ZNF831: variants seen among roughly 807,000 people sequenced by gnomAD.
The protein encoded by ZNF831 is chromosome 20 open reading frame 174.
A neutral mutation model predicts 95.8 loss-of-function variants in ZNF831; 59 were observed. The observed-to-expected ratio is 0.62, with a 90% CI of 0.50 to 0.77. The LOEUF is 0.77. Ranked by LOEUF, ZNF831 falls within the 30% of genes least tolerant of loss-of-function variation. The probability of loss-of-function intolerance (pLI) is 0.00; values close to 1 mark genes in which losing one functional copy is unlikely to be tolerated. For missense variants in ZNF831, 2,205 were observed against 2,164.0 expected (o/e 1.02, Z -0.38); for synonymous variants, 961 against 925.5 (o/e 1.04, Z -0.70).
intron 2 of ZNF831, among the ~76,000 whole-genome samples, chr20:59,153,430 G>A (rs1040962714): frequency 6.6e-6 from 1 of 152,240 alleles, no homozygotes; most frequent in Admixed American, 6.5e-5. Context: ...CCTCCCCCTG[G>A]GAGCGGAAGG....
chr20:59,243,378 G>A (rs571424390), intron 4 of ZNF831, among the ~76,000 whole-genome samples: 4 of 152,190 alleles, frequency 2.6e-5, no homozygotes, highest in East Asian at 3.8e-4. Context: ...AGGTCGAATA[G>A]CTAAGTATTA....
At chr20:59,140,492 T>TATTTA (rs113817166) in intron 1 of ZNF831, among the ~76,000 whole-genome samples, 35,691 of 151,994 alleles carry the variant, frequency 0.23, 6,106 homozygotes, top group African/African-American at 0.49. Flanking sequence ...ACCTGACTAC[T>TATTTA]ATTAATATTC....
Position 59,193,282 on chromosome 20 carries a change from C to T in ZNF831, c.2263C>T (p.Leu755=), listed in dbSNP as rs764611255. 6.2e-7 allele frequency: 1 copy of T among 1,610,562 alleles called. No homozygotes were observed. The highest frequency in any genetic ancestry group is 2.2e-5 in the East Asian group (1 of 44,652). Residue 755 remains leucine (L), a synonymous_variant, in exon 2 of 6, where the codon CTG becomes TTG. Coordinates refer to ENST00000371030, the MANE Select transcript of ZNF831 (RefSeq NM_178457.3). ...RSPLVSPNGR[L]ELGWQMPPAP... ...CCCCCTGGTCTCTCCAAATGGGAGGCTGGAACTGGGGTGGCAGATGCCCCC... is the reference window on the plus strand; with the variant it reads ...CCCCCTGGTCTCTCCAAATGGGAGGTTGGAACTGGGGTGGCAGATGCCCCC...
rs369338680 is a variant in ZNF831, at chr20:59,192,351, G to A, written c.1332G>A (p.Thr444=). The part of the protein sequence containing the change: ...LSKQGSIDLP[T]PYTYKDSFHF... ...AACAGGGCAGCATCGACCTGCCCACGCCCTACACCTACAAGGACTCCTTCC... is the reference window on the plus strand; with the variant it reads ...AACAGGGCAGCATCGACCTGCCCACACCCTACACCTACAAGGACTCCTTCC... Residue 444 remains threonine (T), a synonymous_variant, in exon 2 of 6, where the codon ACG becomes ACA. Coordinates refer to ENST00000371030, the MANE Select transcript of ZNF831 (RefSeq NM_178457.3). The surrounding 1 kb of genome is among the most constrained non-coding windows in gnomAD (Gnocchi z 5.2). 3 of 1,610,140 alleles carry A rather than the reference G, an allele frequency of 1.9e-6. No individual in the cohort carries two copies. Among genetic ancestry groups the A allele is most frequent in the Non-Finnish European group, 1.7e-6 (2 of 1,178,574 alleles).
In ZNF831 at chr20:59,192,175, G is replaced by T. The variant is rs1301425801; in HGVS notation, c.1156G>T (p.Ala386Ser). The change falls in exon 2 of 6, where the codon GCA becomes TCA. Residue 386 changes from alanine (A) to serine (S), a missense_variant. Ala to Ser is a moderately conservative substitution (Grantham distance 99). Coordinates refer to ENST00000371030, the MANE Select transcript of ZNF831 (RefSeq NM_178457.3). This position sits in a 1 kb window ranked among gnomAD's most constrained non-coding sequence, Gnocchi z 5.2. Reference protein sequence around the residue: ...EGGPGPGPGVAGAEPGAREAG... With the variant: ...EGGPGPGPGVSGAEPGAREAG... ...CGGCCCGGGCCCGGGGCCAGGGGTCGCAGGGGCCGAGCCCGGGGCGCGAGA... is the reference window on the plus strand; with the variant it reads ...CGGCCCGGGCCCGGGGCCAGGGGTCTCAGGGGCCGAGCCCGGGGCGCGAGA... The T allele has an allele frequency of 2.6e-6, 4 of 1,562,970 alleles. No homozygotes were observed. The highest frequency in any genetic ancestry group is 3.8e-5 in the Admixed American group (2 of 52,194).
At chr20:59,173,971 C>T (rs1981943968) in intron 1 of ZNF831, among the ~76,000 whole-genome samples, 1 of 152,110 alleles carries the variant, frequency 6.6e-6, no homozygotes, top group Non-Finnish European at 1.5e-5. Context: ...TGATTTTAGC[C>T]ACCAGAAAGC....
intron 4 of ZNF831, among the ~76,000 whole-genome samples, chr20:59,239,916 C>A (rs1440356348): frequency 6.6e-6 from 1 of 152,336 alleles, no homozygotes; most frequent in East Asian, 1.9e-4. Context: ...AGTCTTACTT[C>A]TCCAGTTTTG....
At chr20:59,178,693 G>C (rs1406558829) in intron 1 of ZNF831, among the ~76,000 whole-genome samples, 3 of 152,182 alleles carry the variant, frequency 2.0e-5, no homozygotes, top group African/African-American at 7.2e-5. Flanking sequence ...TCTTCTCTAA[G>C]ATCAGTGGGA....
At chr20:59,236,807 A>G (rs905051352) in intron 4 of ZNF831, among the ~76,000 whole-genome samples, 4 of 152,152 alleles carry the variant, frequency 2.6e-5, no homozygotes, top group Admixed American at 2.6e-4. Flanking sequence ...CTTTAATAAT[A>G]AAAGCCAAAG....
rs1228649890 is a variant in ZNF831 at position 59,208,400 on chromosome 20, C to G, written c.4027+1344C>G. On this transcript the variant is annotated intron_variant, in intron 4 of 5. Coordinates refer to ENST00000371030, the MANE Select transcript of ZNF831 (RefSeq NM_178457.3). This position sits in a 1 kb window ranked among gnomAD's most constrained non-coding sequence, Gnocchi z 4.2. ...AAAGGCCAGGGGACCATGCAACTCT[C>G]TGCTTTCTCGTTGGGCCGTCCTGTG... Among the ~76,000 whole-genome samples, 2 of 152,212 alleles carry G rather than the reference C, an allele frequency of 1.3e-5. No homozygotes were observed. Among genetic ancestry groups the G allele is most frequent in the Admixed American group, 1.3e-4 (2 of 15,292 alleles).
rs769928461 is a variant in ZNF831, at chr20:59,193,897, C to G, written c.2878C>G (p.Pro960Ala). ...TPLPLPIPWGPRHSQDSLCSS... is the reference protein window; with the variant it reads ...TPLPLPIPWGARHSQDSLCSS... ...CTTACCACTGCCCATTCCCTGGGGA[C>G]CAAGGCACAGCCAGGACTCTCTCTG... Residue 960 changes from proline (P) to alanine (A), a missense_variant, in exon 2 of 6, where the codon CCA (proline) becomes GCA (alanine). Physicochemically the swap from Pro to Ala is conservative, Grantham distance 27. Coordinates refer to ENST00000371030, the MANE Select transcript of ZNF831 (RefSeq NM_178457.3). 6.2e-7 allele frequency: 1 copy of G among 1,606,862 alleles called. No homozygotes were observed. Among genetic ancestry groups the G allele is most frequent in the Admixed American group, 1.7e-5 (1 of 59,326 alleles).
At position 59,192,397 on chromosome 20, in the gene ZNF831, GAGCC is replaced by G; in HGVS notation, c.1381_1384del (p.Pro461AlafsTer72). The G allele has an allele frequency of 6.2e-7, 1 of 1,612,196 alleles. No individual in the cohort carries two copies. The highest frequency in any genetic ancestry group is 8.5e-7 in the Non-Finnish European group (1 of 1,179,580). ...CTTCCACTTTGACATCCGCGCGCTG[GAGCC>G]AGGCCGTAGGAGGGCCCCGGGCCCC... On this transcript the variant is annotated frameshift_variant, in exon 2 of 6. Coordinates refer to ENST00000371030, the MANE Select transcript of ZNF831 (RefSeq NM_178457.3). LOFTEE classifies it high-confidence loss of function. The surrounding 1 kb of genome is among the most constrained non-coding windows in gnomAD (Gnocchi z 5.2).
intron 1 of ZNF831, among the ~76,000 whole-genome samples, chr20:59,138,937 G>C (rs934868729): frequency 2.6e-4 from 39 of 152,050 alleles, no homozygotes; most frequent in African/African-American, 9.2e-4. Flanking sequence ...TTTTCAGACT[G>C]TTCGCAAATC....
chr20:59,252,950 A>T (rs773628910), intron 4 of ZNF831, 28 bp from the exon 5 acceptor site: 4 of 1,606,864 alleles, frequency 2.5e-6, no homozygotes, highest in Non-Finnish European at 3.4e-6. Flanking sequence ...AATTCCAGTC[A>T]TATGTAAATG....
chr20:59,233,213 G>T (rs551393297), intron 4 of ZNF831, among the ~76,000 whole-genome samples: 15 of 152,222 alleles, frequency 9.9e-5, no homozygotes, highest in African/African-American at 3.6e-4. Context: ...AGTCATCATT[G>T]TTTTTACAAC....
chr20:59,194,141 C>A lies in ZNF831; in HGVS notation c.3122C>A (p.Pro1041His), dbSNP rs1216643400. The A allele has an allele frequency of 6.4e-7, 1 of 1,568,164 alleles. No homozygotes were observed. Among genetic ancestry groups the A allele is most frequent in the Non-Finnish European group, 8.6e-7 (1 of 1,156,098 alleles). ...ATSRPAAREL[P>H]ISAPGAPREA... Reference sequence around the variant, plus strand: ...AGCAGGCCAGCAGCCAGGGAGTTGCCCATCTCAGCACCAGGGGCTCCCAGG... The same window carrying A: ...AGCAGGCCAGCAGCCAGGGAGTTGCACATCTCAGCACCAGGGGCTCCCAGG... The change falls in exon 2 of 6, where the codon CCC becomes CAC. Residue 1041 changes from proline (P) to histidine (H), a missense_variant. Physicochemically the swap from Pro to His is moderately conservative, Grantham distance 77 (BLOSUM62 -2). Transcript: ENST00000371030.
intron 4 of ZNF831, among the ~76,000 whole-genome samples, chr20:59,228,121 G>A (rs1319519030): frequency 2.6e-5 from 4 of 152,172 alleles, no homozygotes; most frequent in African/African-American, 9.7e-5. Context: ...AGCAGTATCT[G>A]CTTTCTATCA....
chr20:59,207,447 G>A (rs1322294292), intron 4 of ZNF831, among the ~76,000 whole-genome samples: 1 of 152,206 alleles, frequency 6.6e-6, no homozygotes, highest in Non-Finnish European at 1.5e-5. Flanking sequence ...TAAAGCTAAA[G>A]TGGGTCTGTG....
chr20:59,136,497 C>A (rs2146440452), intron 1 of ZNF831, among the ~76,000 whole-genome samples: 1 of 152,286 alleles, frequency 6.6e-6, no homozygotes, highest in East Asian at 1.9e-4. Context: ...CCAGCTCTGT[C>A]CTGAGATCCT....
Sources: gnomAD v4.1 joint callset for allele counts (sites outside exome capture counted in the v4.1 genomes callset) on GRCh38, gnomAD v4.1.1 for gene constraint, Gnocchi (gnomAD v3.1) non-coding constraint, MANE v1.5 for transcripts, NCBI Gene and HGNC (gene_info 2026-07-23, HGNC 2026-07-21) for gene names.